The following ITGB5 variants were observed in gnomAD, a reference collection of about 807,000 sequenced individuals.
The protein encoded by ITGB5 is integrin subunit beta 5, also known as integrin beta-5.
In ITGB5, 38 loss-of-function variants were observed where a neutral mutation model predicts 84.8. The observed-to-expected ratio is 0.45, with a 90% CI of 0.35 to 0.59. ITGB5 has a LOEUF of 0.59. ITGB5 is among the 20% of genes least tolerant of loss of function. The probability of loss-of-function intolerance (pLI) is 0.01; values close to 1 mark genes in which losing one functional copy is unlikely to be tolerated. For synonymous variants in ITGB5, 393 were observed against 414.4 expected (o/e 0.95, Z 0.63); for missense variants, 905 against 1,034.5 (o/e 0.87, Z 1.72).
chr3:124,846,800 G>A (rs1415979534), intron 4 of ITGB5, among the ~76,000 whole-genome samples: 1 of 152,126 alleles, frequency 6.6e-6, no homozygotes, highest in Non-Finnish European at 1.5e-5. Flanking sequence ...CAGGTGTGGT[G>A]GCAGGCACCT....
At chr3:124,808,104 T>C (rs1236230157) in intron 9 of ITGB5, among the ~76,000 whole-genome samples, 1 of 152,116 alleles carries the variant, frequency 6.6e-6, no homozygotes, top group Non-Finnish European at 1.5e-5. Context: ...AGACTGTCCC[T>C]GTCTCCGCAA....
intron 9 of ITGB5, among the ~76,000 whole-genome samples, chr3:124,803,973 T>A (rs1206926572): frequency 6.6e-6 from 1 of 152,218 alleles, no homozygotes; most frequent in Middle Eastern, 3.2e-3. Flanking sequence ...AGGCAATTAG[T>A]GACCACAGAC....
At chr3:124,869,300 GCGTGTTGGCTCA>G (rs1340280023) in intron 2 of ITGB5, among the ~76,000 whole-genome samples, 2 of 152,208 alleles carry the variant, frequency 1.3e-5, no homozygotes, top group Non-Finnish European at 2.9e-5. Flanking sequence ...TTGTGGCCAG[GCGTGTTGGCTCA>G]CGCCTGTAAT....
At chr3:124,808,881 A>C in intron 9 of ITGB5, 141 bp downstream of exon 9, 1 of 894,862 alleles carries the variant, frequency 1.1e-6, no homozygotes, top group Non-Finnish European at 1.7e-6. Flanking sequence ...AAACAGGCTT[A>C]GGAGACTCCT....
intron 12 of ITGB5, among the ~76,000 whole-genome samples, chr3:124,766,764 T>C (rs2063774030): frequency 6.6e-6 from 1 of 152,204 alleles, no homozygotes; most frequent in Admixed American, 6.5e-5. Context: ...CCCAGGCCAC[T>C]TGGGGCTGAG....
chr3:124,879,087 C>T (rs1934459713), intron 1 of ITGB5, among the ~76,000 whole-genome samples: 1 of 152,234 alleles, frequency 6.6e-6, no homozygotes, highest in African/African-American at 2.4e-5. Context: ...GGAGCCACCG[C>T]ATCCGGTTGA....
intron 10 of ITGB5, among the ~76,000 whole-genome samples, chr3:124,785,310 G>A (rs553196325): frequency 2.6e-5 from 4 of 151,508 alleles, no homozygotes; most frequent in Non-Finnish European, 5.9e-5. Flanking sequence ...GTGTCCGGGC[G>A]CGGTGGCTCA....
chr3:124,812,755 G>A (rs544090611), intron 8 of ITGB5, among the ~76,000 whole-genome samples: 15 of 152,286 alleles, frequency 9.8e-5, no homozygotes, highest in African/African-American at 3.1e-4. Context: ...TTTCACACTC[G>A]GAGAGATGTG....
intron 5 of ITGB5, among the ~76,000 whole-genome samples, chr3:124,838,761 C>T (rs998554325): frequency 6.6e-5 from 10 of 152,066 alleles, no homozygotes; most frequent in Admixed American, 2.0e-4. Context: ...GCCACCACGC[C>T]CGGCTAATTT....
intron 5 of ITGB5, among the ~76,000 whole-genome samples, chr3:124,831,603 A>G (rs1467511525): frequency 6.6e-6 from 1 of 152,176 alleles, no homozygotes; most frequent in Admixed American, 6.5e-5. Flanking sequence ...GGGCTGGCTC[A>G]CTGAGCTTGG....
chr3:124,774,467 G>GT (rs1231766156), intron 10 of ITGB5, among the ~76,000 whole-genome samples: 1 of 152,084 alleles, frequency 6.6e-6, no homozygotes, highest in Non-Finnish European at 1.5e-5. Flanking sequence ...AGATGGGGAG[G>GT]ATGCCAAGAG....
chr3:124,779,420 C>T (rs1052564145), intron 10 of ITGB5, among the ~76,000 whole-genome samples: 49 of 152,096 alleles, frequency 3.2e-4, no homozygotes, highest in Admixed American at 1.1e-3. Context: ...CACCAGCCTC[C>T]CCAACCTCCC....
intron 9 of ITGB5, among the ~76,000 whole-genome samples, chr3:124,806,090 C>T (rs2064397660): frequency 6.6e-6 from 1 of 152,184 alleles, no homozygotes; most frequent in Non-Finnish European, 1.5e-5. Flanking sequence ...GCTGCATTAT[C>T]AACACTCTCA....
At chr3:124,766,103 C>A in intron 13 of ITGB5, 123 bp downstream of exon 13, 2 of 889,948 alleles carry the variant, frequency 2.2e-6, no homozygotes, top group Non-Finnish European at 3.4e-6. Context: ...TATCCCTCCT[C>A]TCCCTGCAGT....
At chr3:124,807,673 CG>C (rs2064427592) in intron 9 of ITGB5, among the ~76,000 whole-genome samples, 1 of 151,496 alleles carries the variant, frequency 6.6e-6, no homozygotes, top group South Asian at 2.1e-4. Context: ...TGGCTGGGCA[CG>C]GTGGCTCATG....
In ITGB5 at chr3:124,848,565, C is replaced by A; in HGVS notation, c.362-7G>T. 1 of 1,607,642 alleles carries A rather than the reference C, an allele frequency of 6.2e-7. No homozygotes were observed. Among genetic ancestry groups the A allele is most frequent in the South Asian group, 1.1e-5 (1 of 90,912 alleles). On this transcript the variant is annotated splice_polypyrimidine_tract_variant and splice_region_variant and intron_variant, in intron 3 of 14. Coordinates refer to ENST00000296181, the MANE Select transcript of ITGB5 (RefSeq NM_002213.5). ...TGGAAGGTGGTCTTGTCACCTGCAC[C>A]AACAGAGAGGCCACGTGTGTTAGAG...
intron 8 of ITGB5, among the ~76,000 whole-genome samples, chr3:124,810,822 G>A (rs1364236316): frequency 2.0e-5 from 3 of 152,102 alleles, no homozygotes; most frequent in Non-Finnish European, 2.9e-5. Flanking sequence ...ACGGCCCTGC[G>A]GATTCCCTCT....
intron 8 of ITGB5, among the ~76,000 whole-genome samples, chr3:124,817,363 G>A (rs2064619099): frequency 2.6e-5 from 4 of 152,206 alleles, no homozygotes; most frequent in African/African-American, 4.8e-5. Flanking sequence ...CTGAGTCTGA[G>A]CCACTCCTTG....
chr3:124,841,418 C>G lies in ITGB5; in HGVS notation c.745G>C (p.Gly249Arg). The change falls in exon 5 of 15, where the codon GGC becomes CGC. Residue 249 changes from glycine to arginine, a missense_variant. By Grantham distance (125) the Gly-to-Arg change is moderately radical (BLOSUM62 -2). This residue lies in a region of ITGB5 where 656 missense variants were observed against 734.7 expected (regional missense o/e 0.89). Coordinates refer to ENST00000296181, the MANE Select transcript of ITGB5 (RefSeq NM_002213.5). Reference protein sequence around the residue: ...VSRNRDAPEGGFDAVLQAAVC... With the variant: ...VSRNRDAPEGRFDAVLQAAVC... ...GCTGCCTGGAGTACTGCATCAAAGC[C>G]CCCCTCAGGGGCATCTCGGTTCCGG... The G allele has an allele frequency of 6.2e-7, 1 of 1,614,212 alleles. No individual in the cohort carries two copies. Among genetic ancestry groups the G allele is most frequent in the Non-Finnish European group, 8.5e-7 (1 of 1,180,038 alleles).
Sources: gnomAD v4.1 joint callset for allele counts (sites outside exome capture counted in the v4.1 genomes callset) on GRCh38, gnomAD v4.1.1 for gene constraint, gnomAD v4.1.1 regional missense constraint, MANE v1.5 for transcripts, NCBI Gene and HGNC (gene_info 2026-07-23, HGNC 2026-07-21) for gene names.